Variants in ALDH5A1 observed in about 807,000 individuals in gnomAD.
ALDH5A1 encodes the protein aldehyde dehydrogenase 5 family member A1.
A neutral mutation model predicts 54.7 loss-of-function variants in ALDH5A1; 33 were observed. The ratio of observed to expected loss-of-function variants is 0.60; its 90% confidence interval spans 0.46 to 0.81. ALDH5A1 has a LOEUF of 0.81. Ranked by LOEUF, ALDH5A1 falls within the 30% of genes least tolerant of loss-of-function variation. The pLI, the probability that ALDH5A1 is intolerant of heterozygous loss-of-function variation, is 0.00. For missense variants in ALDH5A1, 657 were observed against 711.0 expected (o/e 0.92, Z 0.86); for synonymous variants, 294 against 292.7 (o/e 1.00, Z -0.05).
intron 7 of ALDH5A1, among the ~76,000 whole-genome samples, chr6:24,525,760 T>C (rs1759787466): frequency 6.6e-6 from 1 of 151,852 alleles, no homozygotes; most frequent in African/African-American, 2.4e-5. Flanking sequence ...CAGAGGAAAT[T>C]GGTGCCATTT....
In ALDH5A1 at chr6:24,534,480, G is replaced by T. The variant is rs903082162; in HGVS notation, c.*768G>T. 6 of 152,488 alleles carry T rather than the reference G, an allele frequency of 3.9e-5. No individual in the cohort carries two copies. The highest frequency in any genetic ancestry group is 1.4e-4 in the African/African-American group (6 of 41,458). The allele number at this position is 152,488 out of a possible 1,614,324, so 9.4% of individuals were successfully genotyped here. A position where few individuals can be genotyped will look rare whatever the true frequency, so the allele number is the denominator to read the frequency against. On this transcript the variant is annotated 3_prime_UTR_variant, in exon 10 of 10. Transcript: ENST00000357578. ...AGCTTGGTAGGATGGAAGGCACGCA[G>T]TGGCATGGCCTGGCTCCTTCCCTGA... is the stretch of plus-strand genomic sequence containing the variant.
At chr6:24,531,452 C>A (rs906859456) in intron 8 of ALDH5A1, among the ~76,000 whole-genome samples, 1 of 152,128 alleles carries the variant, frequency 6.6e-6, no homozygotes, top group Non-Finnish European at 1.5e-5. Flanking sequence ...CTACCCAGTC[C>A]CCCTTTGCAA....
In ALDH5A1 at chr6:24,521,857, ATTTTTT is replaced by A. The variant is rs71542679; in HGVS notation, c.1015-890_1015-885del. The stretch of plus-strand genomic sequence containing the variant: ...AACAGAGTGAGACTCTGTCTCTACA[ATTTTTT>A]TTTTTTTTTTTTTTTTTTTGTGTGA... On this transcript the variant is annotated intron_variant, in intron 6 of 9. Transcript: ENST00000357578. 1.0e-3 allele frequency among the ~76,000 whole-genome samples: 101 copies of A among 98,222 alleles called. 1 individual carries two copies. Among genetic ancestry groups the A allele is most frequent in the African/African-American group, 2.4e-3 (52 of 21,954 alleles). The allele number at this position is 98,222 out of a possible 152,430, so 64.4% of individuals were successfully genotyped here. A position where few individuals can be genotyped will look rare whatever the true frequency, so the allele number is the denominator to read the frequency against.
In ALDH5A1 at chr6:24,533,728, TA is replaced by T. The variant is rs750959100; in HGVS notation, c.*23del. 13 of 1,609,256 alleles carry T rather than the reference TA, an allele frequency of 8.1e-6. No individual in the cohort carries two copies. The South Asian group carries it at 1.4e-4, about 18-fold the overall frequency. Reference sequence around the variant, plus strand: ...GGGCTTGTAGGATTCTTTGGTTCTTTAAAAAAATTTAAAAGGAGACTTATCT... The same window carrying T: ...GGGCTTGTAGGATTCTTTGGTTCTTTAAAAAATTTAAAAGGAGACTTATCT... On this transcript the variant is annotated 3_prime_UTR_variant, in exon 10 of 10. Coordinates refer to ENST00000357578, the MANE Select transcript of ALDH5A1 (RefSeq NM_001080.3).
rs143507632 is a variant in ALDH5A1, at chr6:24,511,470, G to C, written c.727-3697G>C. Reference sequence around the variant, plus strand: ...AGGAACACGTATTATTCTTAGGTTTGGTTGTTTAACATAATCCCAGACTTC... The same window carrying C: ...AGGAACACGTATTATTCTTAGGTTTCGTTGTTTAACATAATCCCAGACTTC... On this transcript the variant is annotated intron_variant, in intron 4 of 9. Transcript: ENST00000357578. 1.8e-3 allele frequency among the ~76,000 whole-genome samples: 271 copies of C among 152,120 alleles called. 1 individual carries two copies. Among genetic ancestry groups the C allele is most frequent in the African/African-American group, 6.2e-3 (258 of 41,494 alleles).
intron 7 of ALDH5A1, 51 bp from the exon 8 acceptor site, chr6:24,527,946 T>C (rs1431005281): frequency 6.2e-7 from 1 of 1,600,128 alleles, no homozygotes; most frequent in Non-Finnish European, 8.6e-7. Flanking sequence ...AGTTTAAACA[T>C]TCTAAAAGAT....
At chr6:24,524,454 A>C (rs1365126783) in intron 7 of ALDH5A1, among the ~76,000 whole-genome samples, 1 of 152,124 alleles carries the variant, frequency 6.6e-6, no homozygotes, top group Non-Finnish European at 1.5e-5. Context: ...GTCAGTACTC[A>C]TCATGGGAAG....
chr6:24,529,678 T>TG lies in ALDH5A1; in HGVS notation c.1343+1512_1343+1513insG, dbSNP rs1181040040. Among the ~76,000 whole-genome samples the TG allele has an allele frequency of 6.4e-5, 9 of 140,174 alleles. No individual in the cohort carries two copies. The East Asian group carries it at 1.6e-3, about 25-fold the overall frequency. 92.0% of individuals were successfully genotyped at this position (140,174 alleles called of 152,430 possible). Reference sequence around the variant, plus strand: ...TTTTTGTTTTGGTTTGGGTTTTTTTTTTTTTTTTTTTTTGATGGAGTCTCG... The same window carrying TG: ...TTTTTGTTTTGGTTTGGGTTTTTTTTGTTTTTTTTTTTTTGATGGAGTCTCG... On this transcript the variant is annotated intron_variant, in intron 8 of 9. Transcript: ENST00000357578.
At chr6:24,498,587 G>A (rs1273776258) in intron 1 of ALDH5A1, among the ~76,000 whole-genome samples, 1 of 152,240 alleles carries the variant, frequency 6.6e-6, no homozygotes, top group African/African-American at 2.4e-5. Flanking sequence ...CCATCCTAAT[G>A]TCTGTGCCCC....
rs1395381186 is a variant in ALDH5A1 at position 24,533,629 on chromosome 6, C to G, written c.1525C>G (p.Gln509Glu). The part of the protein sequence containing the change: ...SVECPFGGVK[Q>E]SGLGREGSKY... Reference sequence around the variant, plus strand: ...GGAGTGCCCTTTTGGTGGAGTGAAGCAGTCCGGCCTTGGGCGAGAGGGGTC... The same window carrying G: ...GGAGTGCCCTTTTGGTGGAGTGAAGGAGTCCGGCCTTGGGCGAGAGGGGTC... The change falls in exon 10 of 10, where the codon CAG becomes GAG. Residue 509 changes from glutamine (Q) to glutamate (E), a missense_variant. Around this residue, in one of 2 missense-constraint regions of ALDH5A1, gnomAD observed 425 missense variants for 516.4 expected, o/e 0.82. Coordinates refer to ENST00000357578, the MANE Select transcript of ALDH5A1 (RefSeq NM_001080.3). 1 of 1,614,080 alleles carries G rather than the reference C, an allele frequency of 6.2e-7. No individual in the cohort carries two copies. The highest frequency in any genetic ancestry group is 1.1e-5 in the South Asian group (1 of 91,070).
chr6:24,502,151 G>C (rs762440294), intron 1 of ALDH5A1, among the ~76,000 whole-genome samples: 7 of 152,048 alleles, frequency 4.6e-5, no homozygotes, highest in Admixed American at 2.0e-4. Context: ...GACAATGTCT[G>C]GTGTCTGACA....
intron 6 of ALDH5A1, among the ~76,000 whole-genome samples, chr6:24,521,496 T>C (rs1791222330): frequency 6.6e-6 from 1 of 152,242 alleles, no homozygotes; most frequent in South Asian, 2.1e-4. Context: ...CAATATGTAA[T>C]TTTAAATGCA....
chr6:24,505,447 G>T (rs1177380786), intron 4 of ALDH5A1, among the ~76,000 whole-genome samples: 1 of 151,128 alleles, frequency 6.6e-6, no homozygotes, highest in Non-Finnish European at 1.5e-5. Context: ...CCCCCAGTAT[G>T]TCTCTGACTT....
chr6:24,503,670 G>A lies in ALDH5A1; in HGVS notation c.609+237G>A, dbSNP rs2817219. 0.29 allele frequency among the ~76,000 whole-genome samples: 44,549 copies of A among 152,046 alleles called. 6,765 individuals carry two copies. Among genetic ancestry groups the A allele is most frequent in the Non-Finnish European group, 0.31 (21,098 of 67,972 alleles). ...AATGCCTGCAAAAGTGGGATGAGCC[G>A]CAGGAGGACCCAGGGGCTCTTCTGA... On this transcript the variant is annotated intron_variant, in intron 3 of 9. Coordinates refer to ENST00000357578, the MANE Select transcript of ALDH5A1 (RefSeq NM_001080.3).
chr6:24,525,000 A>G (rs1287957661), intron 7 of ALDH5A1, among the ~76,000 whole-genome samples: 1 of 152,208 alleles, frequency 6.6e-6, no homozygotes, highest in Non-Finnish European at 1.5e-5. Context: ...ATTGTCCTCC[A>G]GATGGTGCTG....
intron 1 of ALDH5A1, among the ~76,000 whole-genome samples, chr6:24,498,252 G>C (rs1764750466): frequency 6.6e-6 from 1 of 152,200 alleles, no homozygotes; most frequent in Admixed American, 6.5e-5. Context: ...GCAGTTGGGT[G>C]TATGAGTCTG....
chr6:24,503,724 G>A (rs1759257192), intron 3 of ALDH5A1, among the ~76,000 whole-genome samples: 1 of 152,166 alleles, frequency 6.6e-6, no homozygotes, highest in Non-Finnish European at 1.5e-5. Flanking sequence ...TCCTGGCATT[G>A]CCTAGCACCT....
At chr6:24,522,996 C>T (rs773001674) in intron 7 of ALDH5A1, 71 bp downstream of exon 7, 4 of 1,063,628 alleles carry the variant, frequency 3.8e-6, no homozygotes, top group Middle Eastern at 4.9e-4. Context: ...CAGCAAAAAA[C>T]ACTTTGGCTG....
At chr6:24,523,215 C>G (rs1011606359) in intron 7 of ALDH5A1, among the ~76,000 whole-genome samples, 37 of 147,896 alleles carry the variant, frequency 2.5e-4, no homozygotes, top group Admixed American at 2.2e-3. Context: ...TGCTAACTAT[C>G]CTGATTAGAG....
Sources: gnomAD v4.1 joint callset for allele counts (sites outside exome capture counted in the v4.1 genomes callset) on GRCh38, gnomAD v4.1.1 for gene constraint, gnomAD v4.1.1 regional missense constraint, MANE v1.5 for transcripts, NCBI Gene and HGNC (gene_info 2026-07-23, HGNC 2026-07-21) for gene names.